Variants in ARHGAP25 observed in about 807,000 individuals in gnomAD.
ARHGAP25 encodes Rho GTPase activating protein 25, also known as rho GTPase-activating protein 25.
Under a neutral mutation model 71.0 loss-of-function variants are expected in ARHGAP25, and 34 were observed. The observed-to-expected ratio is 0.48, with a 90% CI of 0.36 to 0.64. The LOEUF (loss-of-function observed/expected upper bound fraction) is 0.64, where lower values mean the gene tolerates loss of function less well. Ranked by LOEUF, ARHGAP25 falls within the 30% of genes least tolerant of loss-of-function variation. ARHGAP25 has a pLI of 0.00. For synonymous variants in ARHGAP25, 282 were observed against 296.5 expected (o/e 0.95, Z 0.50); for missense variants, 706 against 805.1 (o/e 0.88, Z 1.49).
chr2:68,799,284 A>T (rs1342130899), intron 4 of ARHGAP25, among the ~76,000 whole-genome samples: 1 of 152,152 alleles, frequency 6.6e-6, no homozygotes, highest in Non-Finnish European at 1.5e-5. Context: ...GCCCTTCCTG[A>T]CAACCTTGCC....
chr2:68,791,805 G>A (rs1027130050), intron 4 of ARHGAP25, among the ~76,000 whole-genome samples: 15 of 151,988 alleles, frequency 9.9e-5, no homozygotes, highest in Admixed American at 6.6e-4. Context: ...TAGTCTTCAC[G>A]GCATTCCCAA....
intron 1 of ARHGAP25, among the ~76,000 whole-genome samples, chr2:68,760,353 G>A (rs1676727237): frequency 6.6e-6 from 1 of 151,918 alleles, no homozygotes; most frequent in Non-Finnish European, 1.5e-5. Context: ...CTAGGTGAGG[G>A]AGAGAAATAA....
chr2:68,811,195 G>A (rs567799637), intron 5 of ARHGAP25, among the ~76,000 whole-genome samples: 1 of 152,324 alleles, frequency 6.6e-6, no homozygotes, highest in South Asian at 2.1e-4. Context: ...TGAAAGGAGG[G>A]GAGAGGCTTA....
At chr2:68,752,015 T>C (rs1427683526) in intron 1 of ARHGAP25, among the ~76,000 whole-genome samples, 1 of 152,194 alleles carries the variant, frequency 6.6e-6, no homozygotes, top group Admixed American at 6.5e-5. Context: ...TTTCATTAGC[T>C]TCAAAATAAC....
intron 1 of ARHGAP25, among the ~76,000 whole-genome samples, chr2:68,739,444 A>G (rs1675403393): frequency 6.6e-6 from 1 of 152,184 alleles, no homozygotes; most frequent in African/African-American, 2.4e-5. Context: ...TGGAGACTCC[A>G]CCAGCTGGAA....
At chr2:68,750,073 C>A (rs1238174710) in intron 1 of ARHGAP25, among the ~76,000 whole-genome samples, 1 of 152,106 alleles carries the variant, frequency 6.6e-6, no homozygotes, top group Non-Finnish European at 1.5e-5. Flanking sequence ...GCTGTGTGAT[C>A]ACAGCTCACT....
In ARHGAP25 at chr2:68,716,837, G is replaced by A. The variant is rs372611060; in HGVS notation, c.-18+6139G>A. On this transcript the variant is annotated intron_variant and NMD_transcript_variant, in intron 2 of 7. Coordinates refer to the ARHGAP25 transcript ENST00000463483. ...TGACATGGTTTTGCCACAGCTGGTC[G>A]TTCTCTTTACTCTTTGATCCTGGTT... Among the ~76,000 whole-genome samples the A allele has an allele frequency of 1.2e-4, 19 of 152,186 alleles. No homozygotes were observed. The South Asian group carries it at 2.3e-3, about 18-fold the overall frequency.
intron 1 of ARHGAP25, among the ~76,000 whole-genome samples, chr2:68,747,760 G>A (rs1468404397): frequency 6.6e-6 from 1 of 152,088 alleles, no homozygotes; most frequent in African/African-American, 2.4e-5. Context: ...GAGTTGCTCA[G>A]GCTAAAAACC....
intron 1 of ARHGAP25, among the ~76,000 whole-genome samples, chr2:68,764,050 C>G (rs1676983905): frequency 6.6e-6 from 1 of 152,212 alleles, no homozygotes; most frequent in African/African-American, 2.4e-5. Context: ...TGCTCTCACC[C>G]TCAGTCCTGG....
chr2:68,779,968 C>T (rs891248181), intron 2 of ARHGAP25, among the ~76,000 whole-genome samples: 2 of 152,364 alleles, frequency 1.3e-5, no homozygotes, highest in African/African-American at 4.8e-5. Flanking sequence ...TGTTACTTCT[C>T]TCAGCAAGTG....
chr2:68,744,953 C>T (rs1001034777), intron 1 of ARHGAP25, among the ~76,000 whole-genome samples: 7 of 152,124 alleles, frequency 4.6e-5, no homozygotes, highest in African/African-American at 1.4e-4. Context: ...TGTGTCTTCA[C>T]AGATAAAAAA....
intron 1 of ARHGAP25, among the ~76,000 whole-genome samples, chr2:68,760,782 T>C (rs1676761343): frequency 6.6e-6 from 1 of 150,990 alleles, no homozygotes; most frequent in African/African-American, 2.4e-5. Context: ...ATGCAATTCC[T>C]ATCAAAATCC....
chr2:68,724,105 C>T (rs1674828047), intron 2 of ARHGAP25, among the ~76,000 whole-genome samples: 1 of 152,026 alleles, frequency 6.6e-6, no homozygotes, highest in South Asian at 2.1e-4. Context: ...ATTGATGAGC[C>T]ACTGGGGCCA....
At chr2:68,736,491 C>T (rs57130014) in intron 1 of ARHGAP25, among the ~76,000 whole-genome samples, 52 of 152,310 alleles carry the variant, frequency 3.4e-4, no homozygotes, top group African/African-American at 1.2e-3. Flanking sequence ...AAGTGTCCTG[C>T]TTCTACATAA....
intron 4 of ARHGAP25, among the ~76,000 whole-genome samples, chr2:68,794,671 A>G (rs763379027): frequency 3.6e-4 from 54 of 152,012 alleles, no homozygotes; most frequent in Non-Finnish European, 6.3e-4. Flanking sequence ...TTGGTTTGTT[A>G]GTATTTTGTT....
intron 3 of ARHGAP25, among the ~76,000 whole-genome samples, chr2:68,783,213 C>T (rs1235710110): frequency 6.6e-6 from 1 of 152,192 alleles, no homozygotes; most frequent in Admixed American, 6.5e-5. Flanking sequence ...TTAATTTCTC[C>T]CTGCCTTTTG....
chr2:68,820,488 G>A (rs893376966), intron 9 of ARHGAP25, among the ~76,000 whole-genome samples: 1 of 152,178 alleles, frequency 6.6e-6, no homozygotes, highest in African/African-American at 2.4e-5. Flanking sequence ...TGGGGTTTCT[G>A]AAGCAAGCAA....
At chr2:68,814,072 A>G (rs1681025911) in intron 6 of ARHGAP25, among the ~76,000 whole-genome samples, 1 of 152,226 alleles carries the variant, frequency 6.6e-6, no homozygotes, top group Admixed American at 6.5e-5. Context: ...AAACCCAACC[A>G]ACAACAATAA....
chr2:68,818,074 T>A, intron 8 of ARHGAP25, 80 bp downstream of exon 8: 1 of 1,556,438 alleles, frequency 6.4e-7, no homozygotes, highest in South Asian at 1.1e-5. Context: ...TGCACTGCTC[T>A]GTAGTTTCCC....
Sources: gnomAD v4.1 joint callset for allele counts (sites outside exome capture counted in the v4.1 genomes callset) on GRCh38, gnomAD v4.1.1 for gene constraint, MANE v1.5 for transcripts, NCBI Gene and HGNC (gene_info 2026-07-23, HGNC 2026-07-21) for gene names.